SEMA3A: variants seen among roughly 807,000 people sequenced by gnomAD.
SEMA3A encodes the protein semaphorin 3A.
SEMA3A carries 29 observed loss-of-function variants against 97.9 expected under a neutral mutation model. The ratio of observed to expected loss-of-function variants is 0.30; its 90% CI spans 0.22 to 0.40. SEMA3A has a LOEUF of 0.40. Ranked by LOEUF, SEMA3A falls within the 10% of genes least tolerant of loss-of-function variation. SEMA3A has a pLI of 1.00. For missense variants in SEMA3A, 763 were observed against 951.3 expected, an observed-to-expected ratio of 0.80 and a Z score of 2.60; for synonymous variants, 321 against 323.7, an observed-to-expected ratio of 0.99 and a Z score of 0.09.
chr7:84,053,787 G>C (rs1451174969), intron 5 of SEMA3A, among the ~76,000 whole-genome samples: 1 of 143,904 alleles, frequency 6.9e-6, no homozygotes, highest in Non-Finnish European at 1.5e-5. Context: ...CTCGTTAATT[G>C]ATGGAGTTTC....
chr7:84,032,451 AAAG>A (rs1791795694), intron 6 of SEMA3A, among the ~76,000 whole-genome samples: 1 of 152,298 alleles, frequency 6.6e-6, no homozygotes, highest in South Asian at 2.1e-4. Context: ...GGATCTCTAC[AAAG>A]AAGAATAACA....
rs1166207664 is a variant in SEMA3A at position 83,961,074 on chromosome 7, T to C, written c.*297A>G. 1 of 284,782 alleles carries C rather than the reference T, an allele frequency of 3.5e-6. No individual in the cohort carries two copies. Among genetic ancestry groups the C allele is most frequent in the East Asian group, 7.1e-5 (1 of 14,178 alleles). 17.6% of individuals were successfully genotyped at this position (284,782 alleles called of 1,614,324 possible). A position where few individuals can be genotyped will look rare whatever the true frequency, so the allele number is the denominator to read the frequency against. On this transcript the variant is annotated 3_prime_UTR_variant, in exon 17 of 17. Transcript: ENST00000265362. ...ATATGGCAAATGACATTTTTATTTCTCAGGCAAAGAAGAAAGACAAACCTG... is the reference window on the plus strand; with the variant it reads ...ATATGGCAAATGACATTTTTATTTCCCAGGCAAAGAAGAAAGACAAACCTG...
chr7:84,079,527 C>G (rs1008082007), intron 4 of SEMA3A, among the ~76,000 whole-genome samples: 3 of 151,972 alleles, frequency 2.0e-5, no homozygotes, highest in African/African-American at 7.3e-5. Flanking sequence ...ACAACCCCAT[C>G]AAAAAGTGGG....
intron 1 of SEMA3A, among the ~76,000 whole-genome samples, chr7:84,425,207 G>A (rs1335587727): frequency 8.2e-4 from 88 of 106,710 alleles, no homozygotes; most frequent in African/African-American, 3.2e-3. Flanking sequence ...ATAAATTTAC[G>A]TATTTATATA....
chr7:84,405,162 G>A (rs577700138), intron 1 of SEMA3A, among the ~76,000 whole-genome samples: 1 of 152,150 alleles, frequency 6.6e-6, no homozygotes, highest in South Asian at 2.1e-4. Flanking sequence ...CTCAGGTGCA[G>A]AGACACACAT....
chr7:84,051,989 T>C (rs199955119), intron 5 of SEMA3A, among the ~76,000 whole-genome samples: 6,151 of 149,624 alleles, frequency 0.041, 222 homozygotes, highest in East Asian at 0.17. Context: ...TTGTCTTTGG[T>C]TCTGTTTATA....
At chr7:84,007,239 G>T in intron 10 of SEMA3A, 114 bp downstream of exon 10, 1 of 812,838 alleles carries the variant, frequency 1.2e-6, no homozygotes, top group Non-Finnish European at 1.8e-6. Context: ...TTATAATCTT[G>T]AAATCTTTTT....
chr7:84,388,523 T>TTCTATATTTCCA (rs1562929251), intron 1 of SEMA3A, among the ~76,000 whole-genome samples: 1 of 152,084 alleles, frequency 6.6e-6, no homozygotes, highest in Non-Finnish European at 1.5e-5. Flanking sequence ...TTCACTCTCT[T>TTCTATATTTCCA]GACTTGCATA....
chr7:84,462,567 C>T (rs1805873443), intron 1 of SEMA3A, among the ~76,000 whole-genome samples: 1 of 152,128 alleles, frequency 6.6e-6, no homozygotes, highest in East Asian at 1.9e-4. Context: ...CCTTAAATCA[C>T]ATTTATTCTT....
intron 1 of SEMA3A, among the ~76,000 whole-genome samples, chr7:84,161,960 C>T (rs1467431934): frequency 6.6e-6 from 1 of 152,052 alleles, no homozygotes; most frequent in African/African-American, 2.4e-5. Context: ...AACTGCTTGG[C>T]TCTGCAATAA....
chr7:84,103,237 T>C (rs542589077), intron 4 of SEMA3A, among the ~76,000 whole-genome samples: 1 of 152,256 alleles, frequency 6.6e-6, no homozygotes. Context: ...TCTTCCTTCA[T>C]ACCATGAACT....
intron 12 of SEMA3A, among the ~76,000 whole-genome samples, chr7:83,999,820 C>T (rs1466085238): frequency 2.6e-5 from 4 of 152,008 alleles, no homozygotes; most frequent in Non-Finnish European, 5.9e-5. Context: ...TCATTTGCAA[C>T]AGTAGTGGCA....
chr7:84,375,974 A>C (rs554553485), intron 1 of SEMA3A, among the ~76,000 whole-genome samples: 2 of 152,296 alleles, frequency 1.3e-5, no homozygotes, highest in East Asian at 3.9e-4. Flanking sequence ...TATTTCACTT[A>C]ACATAAGGAC....
intron 3 of SEMA3A, among the ~76,000 whole-genome samples, chr7:84,298,033 C>T (rs1489596820): frequency 3.9e-5 from 6 of 152,094 alleles, no homozygotes; most frequent in Admixed American, 3.9e-4. Context: ...TTAAAATGGA[C>T]AGATGTGAAT....
chr7:83,979,658 C>T (rs1276432757), intron 14 of SEMA3A, among the ~76,000 whole-genome samples: 1 of 151,992 alleles, frequency 6.6e-6, no homozygotes, highest in East Asian at 1.9e-4. Flanking sequence ...GTAATACGAA[C>T]ATGTTACCTC....
In SEMA3A at chr7:84,341,842, T is replaced by C. The variant is rs972938339; in HGVS notation, c.-169+29982A>G. On this transcript the variant is annotated intron_variant, in intron 2 of 3. Coordinates refer to the SEMA3A transcript ENST00000424555. The stretch of plus-strand genomic sequence containing the variant: ...CTTTCAGACTTTGAAATCAGCACTA[T>C]GACTGCTGACCACCTTTTTTAACTA... Among the ~76,000 whole-genome samples, 13 of 152,270 alleles carry C rather than the reference T, an allele frequency of 8.5e-5. No homozygotes were observed. In the East Asian group the frequency reaches 2.3e-3, roughly 27 times the overall value.
chr7:84,271,319 C>T (rs1486017245), intron 3 of SEMA3A, among the ~76,000 whole-genome samples: 1 of 151,982 alleles, frequency 6.6e-6, no homozygotes, highest in Non-Finnish European at 1.5e-5. Flanking sequence ...TTCCATGTAG[C>T]TGGGACTACA....
At chr7:84,164,965 T>G (rs1051800279) in intron 1 of SEMA3A, among the ~76,000 whole-genome samples, 1 of 152,154 alleles carries the variant, frequency 6.6e-6, no homozygotes, top group Non-Finnish European at 1.5e-5. Context: ...ACCAACACTT[T>G]GGGAGGCCGA....
chr7:84,239,817 T>C (rs1332427615), intron 3 of SEMA3A, among the ~76,000 whole-genome samples: 3 of 152,160 alleles, frequency 2.0e-5, no homozygotes. Context: ...ACACATTTAT[T>C]ACTGTCACTG....
Sources: gnomAD v4.1 joint callset for allele counts (sites outside exome capture counted in the v4.1 genomes callset) on GRCh38, gnomAD v4.1.1 for gene constraint, MANE v1.5 for transcripts, NCBI Gene and HGNC (gene_info 2026-07-23, HGNC 2026-07-21) for gene names.